The following PCDHGB5 variants were observed in gnomAD, a reference collection of about 807,000 sequenced individuals.
The protein encoded by PCDHGB5 is protocadherin gamma subfamily B, 5.
Under a neutral mutation model 62.9 loss-of-function variants are expected in PCDHGB5, and 48 were observed. That is an observed-to-expected ratio of 0.76 (90% CI 0.61 to 0.97). The LOEUF is 0.97. PCDHGB5 is among the 50% of genes least tolerant of loss of function. The pLI is 0.00. For missense variants in PCDHGB5, 1,118 were observed against 1,198.6 expected (o/e 0.93, Z 0.99); for synonymous variants, 474 against 511.2 (o/e 0.93, Z 0.98).
chr5:141,419,870 G>C, intron 1 of PCDHGB5: 1 of 1,614,054 alleles, frequency 6.2e-7, no homozygotes, highest in Non-Finnish European at 8.5e-7. Context: ...CTTGCAAGAG[G>C]TACTGCCGGA....
At chr5:141,423,821 C>A (rs2096784513) in intron 1 of PCDHGB5, 1 of 1,272,728 alleles carries the variant, frequency 7.9e-7, no homozygotes, top group Admixed American at 3.9e-5. Context: ...TTTACTTTGC[C>A]TTTCATGAGA....
At chr5:141,434,980 CTA>C in intron 1 of PCDHGB5, among the ~76,000 whole-genome samples, 1 of 151,954 alleles carries the variant, frequency 6.6e-6, no homozygotes, top group East Asian at 1.9e-4. Flanking sequence ...TGTTAATACT[CTA>C]TATCATTTTC....
At chr5:141,426,015 T>G (rs1168777347) in intron 1 of PCDHGB5, among the ~76,000 whole-genome samples, 3 of 152,200 alleles carry the variant, frequency 2.0e-5, no homozygotes, top group African/African-American at 7.2e-5. Flanking sequence ...GGCTGCAGTT[T>G]TCTAAATAGA....
intron 1 of PCDHGB5, chr5:141,420,939 C>A: frequency 2.6e-6 from 1 of 387,512 alleles, no homozygotes; most frequent in South Asian, 5.2e-5. Context: ...GTAATCATTT[C>A]TTCTGGAATT....
At position 141,489,474 on chromosome 5, in the gene PCDHGB5, C is replaced by T. The variant is rs772297075; in HGVS notation, c.2398-5333C>T. On this transcript the variant is annotated intron_variant, in intron 1 of 3. Transcript: ENST00000617380. The surrounding 1 kb of genome is among the most constrained non-coding windows in gnomAD (Gnocchi z 4.5). ...AGAATGGGCGCTATTTTTCCCTGAG[C>T]TTGATGAGTGGTGCCCTGGCAGTGA... 6.2e-7 allele frequency: 1 copy of T among 1,614,108 alleles called. No individual in the cohort carries two copies. The highest frequency in any genetic ancestry group is 8.5e-7 in the Non-Finnish European group (1 of 1,180,034).
At chr5:141,422,470 T>G in intron 1 of PCDHGB5, 1 of 1,613,440 alleles carries the variant, frequency 6.2e-7, no homozygotes, top group South Asian at 1.1e-5. Flanking sequence ...GGACAGGGAG[T>G]TGGTCCAGAG....
In PCDHGB5 at chr5:141,489,068, G is replaced by GGC; in HGVS notation, c.2398-5739_2398-5738insGC. 1 of 291,558 alleles carries GGC rather than the reference G, an allele frequency of 3.4e-6. No individual in the cohort carries two copies. The allele number at this position is 291,558 out of a possible 1,614,324, so 18.1% of individuals were successfully genotyped here. ...CTCAAATTCAGCTCCCCTCCCCCCT[G>GGC]CCCACCCCCGCCACTCGGTGACTAA... On this transcript the variant is annotated intron_variant, in intron 1 of 3. Transcript: ENST00000617380. The surrounding 1 kb of genome is among the most constrained non-coding windows in gnomAD (Gnocchi z 4.5).
chr5:141,432,427 C>G lies in PCDHGB5; in HGVS notation c.2397+31903C>G. 5 of 1,614,242 alleles carry G rather than the reference C, an allele frequency of 3.1e-6. No homozygotes were observed. The highest frequency in any genetic ancestry group is 4.2e-6 in the Non-Finnish European group (5 of 1,180,036). On this transcript the variant is annotated intron_variant, in intron 1 of 3. Transcript: ENST00000617380. The surrounding 1 kb of genome is among the most constrained non-coding windows in gnomAD (Gnocchi z 6.0). ...TGAGCCTGTTCGTGCTGGACCAGAA[C>G]GACAATGCGCCCGAGATCCTGTACC... is the stretch of plus-strand genomic sequence containing the variant.
Position 141,432,909 on chromosome 5 carries a change from G to A in PCDHGB5, c.2397+32385G>A, listed in dbSNP as rs773372764. On this transcript the variant is annotated intron_variant, in intron 1 of 3. Coordinates refer to ENST00000617380, the MANE Select transcript of PCDHGB5 (RefSeq NM_018925.3). The surrounding 1 kb of genome is among the most constrained non-coding windows in gnomAD (Gnocchi z 6.0). ...ATCTTGCTGCTGGCGCTCAGGCTGCGGCGCTGGCACAAGTCACGCCTGCTG... is the reference window on the plus strand; with the variant it reads ...ATCTTGCTGCTGGCGCTCAGGCTGCAGCGCTGGCACAAGTCACGCCTGCTG... 9 of 1,614,038 alleles carry A rather than the reference G, an allele frequency of 5.6e-6. No homozygotes were observed. The highest frequency in any genetic ancestry group is 4.5e-5 in the East Asian group (2 of 44,880).
At chr5:141,408,797 C>T (rs965305130) in intron 1 of PCDHGB5, 1 of 1,612,958 alleles carries the variant, frequency 6.2e-7, no homozygotes, top group African/African-American at 1.3e-5. Flanking sequence ...TCTGGAGAAA[C>T]TCCTAGACCG....
intron 1 of PCDHGB5, chr5:141,411,714 G>C (rs889829564): frequency 6.6e-6 from 1 of 152,420 alleles, no homozygotes; most frequent in Middle Eastern, 3.1e-3. Context: ...AGACTCCATC[G>C]CTACAGAACA....
intron 1 of PCDHGB5, chr5:141,422,844 G>A: frequency 6.2e-7 from 1 of 1,614,238 alleles, no homozygotes; most frequent in Non-Finnish European, 8.5e-7. Context: ...GTGACAGCGG[G>A]GACCCGCCCC....
At position 141,403,413 on chromosome 5, in the gene PCDHGB5, T is replaced by G. The variant is rs1467852757; in HGVS notation, c.2397+2889T>G. The G allele has an allele frequency of 1.2e-6, 2 of 1,613,928 alleles. No individual in the cohort carries two copies. Among genetic ancestry groups the G allele is most frequent in the African/African-American group, 2.7e-5 (2 of 74,948 alleles). ...GCGGTTCCTGGAGCACGTTATCCACTTCCAGAAGCTATTGATCCGGATGTT... is the reference window on the plus strand; with the variant it reads ...GCGGTTCCTGGAGCACGTTATCCACGTCCAGAAGCTATTGATCCGGATGTT... On this transcript the variant is annotated intron_variant, in intron 1 of 3. Transcript: ENST00000617380.
chr5:141,494,639 C>T, intron 1 of PCDHGB5, 168 bp from the exon 2 acceptor site: 1 of 901,070 alleles, frequency 1.1e-6, no homozygotes, highest in Non-Finnish European at 1.3e-6. Flanking sequence ...ACCTCTGAGA[C>T]CTGAGGTGTA....
chr5:141,404,835 C>T, intron 1 of PCDHGB5: 1 of 1,613,920 alleles, frequency 6.2e-7, no homozygotes, highest in Non-Finnish European at 8.5e-7. Context: ...GAAGTGCGCA[C>T]AGCTCGGGCC....
chr5:141,485,561 G>A lies in PCDHGB5; in HGVS notation c.2398-9246G>A. 1.9e-6 allele frequency: 3 copies of A among 1,613,008 alleles called. No homozygotes were observed. The highest frequency in any genetic ancestry group is 1.1e-5 in the South Asian group (1 of 91,026). ...AGAGATCGTAGATGTGAATGATCACGCCCCCCGTTTTCCGCGGCAGCAGCT... is the reference window on the plus strand; with the variant it reads ...AGAGATCGTAGATGTGAATGATCACACCCCCCGTTTTCCGCGGCAGCAGCT... On this transcript the variant is annotated intron_variant, in intron 1 of 3. Transcript: ENST00000617380. The surrounding 1 kb of genome is among the most constrained non-coding windows in gnomAD (Gnocchi z 5.7).
rs1363449 is a variant in PCDHGB5, at chr5:141,413,826, C to T, written c.2397+13302C>T. On this transcript the variant is annotated intron_variant, in intron 1 of 3. Coordinates refer to ENST00000617380, the MANE Select transcript of PCDHGB5 (RefSeq NM_018925.3). ...AGGCCATTCACCACCTGGTCCTCAC[C>T]GCCTCCGACGGGGGTGACCCTCTCC... 4,050 of 1,613,180 alleles carry T rather than the reference C, an allele frequency of 2.5e-3. 115 individuals are homozygous for T. In the African/African-American group the frequency reaches 0.047, roughly 19 times the overall value.
chr5:141,491,479 C>T lies in PCDHGB5; in HGVS notation c.2398-3328C>T. On this transcript the variant is annotated intron_variant, in intron 1 of 3. Transcript: ENST00000617380. The surrounding 1 kb of genome is among the most constrained non-coding windows in gnomAD (Gnocchi z 6.9). ...CCCGGACTTCTATAAGCAGTCCAGCCCCAACCTGCAGGTGAGCTCGGACGG... is the reference window on the plus strand; with the variant it reads ...CCCGGACTTCTATAAGCAGTCCAGCTCCAACCTGCAGGTGAGCTCGGACGG... 1 of 1,614,144 alleles carries T rather than the reference C, an allele frequency of 6.2e-7. No homozygotes were observed. Among genetic ancestry groups the T allele is most frequent in the Non-Finnish European group, 8.5e-7 (1 of 1,180,024 alleles).
intron 1 of PCDHGB5, chr5:141,422,520 G>A (rs759529752): frequency 1.9e-6 from 3 of 1,613,946 alleles, no homozygotes; most frequent in South Asian, 2.2e-5. Flanking sequence ...AGGGAAGCCC[G>A]CCTTTGTCTG....
Sources: allele counts gnomAD v4.1 joint callset (sites outside exome capture counted in the v4.1 genomes callset), GRCh38; gene constraint gnomAD v4.1.1; non-coding constraint Gnocchi (gnomAD v3.1); transcripts MANE v1.5; gene names NCBI Gene and HGNC (gene_info 2026-07-23, HGNC 2026-07-21).